Variants in ZNF804B observed in about 807,000 individuals in gnomAD.
ZNF804B encodes zinc finger 804B.
Under a neutral mutation model 101.4 loss-of-function variants are expected in ZNF804B, and 80 were observed. The ratio of observed to expected loss-of-function variants is 0.79; its 90% CI spans 0.66 to 0.95. ZNF804B has a LOEUF of 0.95. Ranked by LOEUF, ZNF804B falls within the 40% of genes least tolerant of loss-of-function variation. The probability of loss-of-function intolerance (pLI) is 0.00; values close to 1 mark genes in which losing one functional copy is unlikely to be tolerated. For synonymous variants in ZNF804B, 622 were observed against 558.8 expected (o/e 1.11, Z -1.59); for missense variants, 1,673 against 1,561.9 (o/e 1.07, Z -1.20).
At chr7:89,152,211 GC>G (rs1259809182) in intron 1 of ZNF804B, among the ~76,000 whole-genome samples, 3 of 151,104 alleles carry the variant, frequency 2.0e-5, no homozygotes, top group African/African-American at 7.3e-5. Flanking sequence ...ATATTTCATA[GC>G]AAATAGTCAA....
chr7:88,922,544 A>T (rs1469761699), intron 1 of ZNF804B, among the ~76,000 whole-genome samples: 1 of 151,998 alleles, frequency 6.6e-6, no homozygotes, highest in African/African-American at 2.4e-5. Flanking sequence ...TACTAAAGCT[A>T]ATTCTTGTCA....
At chr7:89,263,572 C>T (rs180940238) in intron 2 of ZNF804B, among the ~76,000 whole-genome samples, 10 of 150,572 alleles carry the variant, frequency 6.6e-5, no homozygotes, top group East Asian at 5.8e-4. Context: ...TCTAACCACA[C>T]GAACCTGTGA....
chr7:88,863,520 C>T (rs1190006702), intron 1 of ZNF804B, among the ~76,000 whole-genome samples: 3 of 151,922 alleles, frequency 2.0e-5, no homozygotes, highest in Non-Finnish European at 4.4e-5. Flanking sequence ...CAAAGAAGCC[C>T]TATTTTTTTT....
intron 1 of ZNF804B, among the ~76,000 whole-genome samples, chr7:89,216,323 A>T (rs1180487492): frequency 6.6e-6 from 1 of 152,196 alleles, no homozygotes; most frequent in Non-Finnish European, 1.5e-5. Context: ...AAGAAAAATA[A>T]CTTAGTGAGA....
Position 89,082,458 on chromosome 7 carries a change from T to A in ZNF804B, c.109-135697T>A, listed in dbSNP as rs1015417768. 7.9e-5 allele frequency among the ~76,000 whole-genome samples: 12 copies of A among 151,832 alleles called. No individual in the cohort carries two copies. In the East Asian group the frequency reaches 2.3e-3, roughly 29 times the overall value. Reference sequence around the variant, plus strand: ...CATTTAAATTTAAATTGGATTTAAATTTTCCATTTAAATCCAAAATTCAAA... The same window carrying A: ...CATTTAAATTTAAATTGGATTTAAAATTTCCATTTAAATCCAAAATTCAAA... On this transcript the variant is annotated intron_variant, in intron 1 of 3. Coordinates refer to ENST00000333190, the MANE Select transcript of ZNF804B (RefSeq NM_181646.5).
intron 1 of ZNF804B, among the ~76,000 whole-genome samples, chr7:88,982,343 G>A (rs1483835253): frequency 6.6e-6 from 1 of 152,022 alleles, no homozygotes; most frequent in African/African-American, 2.4e-5. Context: ...AGACCCACAG[G>A]CATCCTTAGT....
intron 1 of ZNF804B, among the ~76,000 whole-genome samples, chr7:88,760,489 GCTA>G (rs1789878924): frequency 6.6e-6 from 1 of 152,168 alleles, no homozygotes; most frequent in South Asian, 2.1e-4. Flanking sequence ...GTTTAATAAT[GCTA>G]CTGTTACTTT....
intron 1 of ZNF804B, among the ~76,000 whole-genome samples, chr7:89,185,806 G>T (rs188671895): frequency 5.9e-5 from 9 of 151,970 alleles, no homozygotes; most frequent in Non-Finnish European, 1.2e-4. Flanking sequence ...GTTGCAGTGA[G>T]CCAAAATCAC....
intron 1 of ZNF804B, among the ~76,000 whole-genome samples, chr7:88,972,177 T>C (rs1562847773): frequency 6.6e-6 from 1 of 151,558 alleles, no homozygotes; most frequent in Non-Finnish European, 1.5e-5. Flanking sequence ...ATTTGAATTG[T>C]GTATTTTTTC....
At chr7:89,019,108 C>A (rs948313644) in intron 1 of ZNF804B, among the ~76,000 whole-genome samples, 6 of 151,952 alleles carry the variant, frequency 3.9e-5, no homozygotes, top group African/African-American at 1.4e-4. Flanking sequence ...TTTATTGATG[C>A]AGGCATTTAT....
chr7:89,004,707 TA>T (rs1048046508), intron 1 of ZNF804B, among the ~76,000 whole-genome samples: 5 of 151,820 alleles, frequency 3.3e-5, no homozygotes, highest in Admixed American at 2.0e-4. Context: ...TCATCTCTAT[TA>T]AAAAAAAGTC....
chr7:88,985,092 C>T (rs1793741294), intron 1 of ZNF804B, among the ~76,000 whole-genome samples: 2 of 151,974 alleles, frequency 1.3e-5, no homozygotes, highest in Admixed American at 1.3e-4. Flanking sequence ...TTTTCTTATT[C>T]TTTAGAAAGT....
intron 2 of ZNF804B, among the ~76,000 whole-genome samples, chr7:89,262,110 T>C (rs1039289876): frequency 1.1e-4 from 17 of 152,236 alleles, no homozygotes; most frequent in Admixed American, 1.1e-3. Context: ...CCTTGTGAAC[T>C]TCCAAAACAC....
intron 1 of ZNF804B, among the ~76,000 whole-genome samples, chr7:88,845,543 T>C (rs1393180604): frequency 1.3e-5 from 2 of 152,032 alleles, no homozygotes; most frequent in Non-Finnish European, 2.9e-5. Context: ...ATTTTTCAAA[T>C]GGAACTGGCT....
intron 1 of ZNF804B, among the ~76,000 whole-genome samples, chr7:88,834,277 C>T (rs528833147): frequency 1.1e-4 from 17 of 151,736 alleles, no homozygotes; most frequent in South Asian, 4.1e-4. Context: ...GGCTATATTG[C>T]GAATTATTTT....
chr7:89,198,448 A>G (rs993532828), intron 1 of ZNF804B, among the ~76,000 whole-genome samples: 2 of 151,958 alleles, frequency 1.3e-5, no homozygotes, highest in African/African-American at 4.8e-5. Context: ...TTTTCTTCTA[A>G]TGAAAGCATT....
At chr7:89,127,105 C>G (rs900412530) in intron 1 of ZNF804B, among the ~76,000 whole-genome samples, 2 of 151,914 alleles carry the variant, frequency 1.3e-5, no homozygotes, top group Admixed American at 6.6e-5. Flanking sequence ...TAGCCAAAGA[C>G]AAACATCCTC....
At chr7:89,028,623 C>T (rs1051069919) in intron 1 of ZNF804B, among the ~76,000 whole-genome samples, 13 of 152,100 alleles carry the variant, frequency 8.5e-5, no homozygotes, top group African/African-American at 1.4e-4. Flanking sequence ...CTCTAATCAT[C>T]GAGCAGGGCA....
At chr7:89,077,705 A>C (rs527968125) in intron 1 of ZNF804B, among the ~76,000 whole-genome samples, 1 of 152,244 alleles carries the variant, frequency 6.6e-6, no homozygotes. Context: ...CTTCTTCCTA[A>C]CTGTATATTT....
Sources: gnomAD v4.1 joint callset for allele counts (sites outside exome capture counted in the v4.1 genomes callset) on GRCh38, gnomAD v4.1.1 for gene constraint, MANE v1.5 for transcripts, NCBI Gene and HGNC (gene_info 2026-07-23, HGNC 2026-07-21) for gene names.